GRAMD1A: variants seen among roughly 807,000 people sequenced by gnomAD.
The protein encoded by GRAMD1A is protein Aster-A.
GRAMD1A carries 50 observed loss-of-function variants against 92.0 expected under a neutral mutation model. That is an observed-to-expected ratio of 0.54 (90% confidence interval 0.43 to 0.69). The LOEUF is 0.69. GRAMD1A is among the 30% of genes least tolerant of loss of function. The probability of loss-of-function intolerance (pLI) is 0.00; values close to 1 mark genes in which losing one functional copy is unlikely to be tolerated. For missense variants in GRAMD1A, 819 were observed against 978.9 expected (o/e 0.84, Z 2.18); for synonymous variants, 405 against 403.6 (o/e 1.00, Z -0.04).
intron 1 of GRAMD1A, among the ~76,000 whole-genome samples, chr19:35,006,755 C>T (rs190712743): frequency 5.3e-5 from 8 of 152,170 alleles, no homozygotes; most frequent in Admixed American, 5.2e-4. Flanking sequence ...TCTAGGGACC[C>T]GGTGGTAACC....
At chr19:34,997,647 A>C (rs2014096283), upstream of GRAMD1A, among the ~76,000 whole-genome samples, 1 of 152,182 alleles carries the variant, frequency 6.6e-6, no homozygotes, top group African/African-American at 2.4e-5. Context: ...TCGCAGAAAC[A>C]ATGATAATGG....
Position 35,021,134 on chromosome 19 carries a change from C to T in GRAMD1A, c.1476-368C>T, listed in dbSNP as rs1247714188. Reference sequence around the variant, plus strand: ...AAGACCAGGAGGTCAGTTTGGGACTCAGCTGTCTATGTTGAGCTGAGCCCA... The same window carrying T: ...AAGACCAGGAGGTCAGTTTGGGACTTAGCTGTCTATGTTGAGCTGAGCCCA... On this transcript the variant is annotated intron_variant, in intron 13 of 19. Coordinates refer to ENST00000317991, the MANE Select transcript of GRAMD1A (RefSeq NM_020895.5). The surrounding 1 kb of genome is among the most constrained non-coding windows in gnomAD (Gnocchi z 5.3). Among the ~76,000 whole-genome samples, 1 of 152,186 alleles carries T rather than the reference C, an allele frequency of 6.6e-6. No homozygotes were observed. Among genetic ancestry groups the T allele is most frequent in the African/African-American group, 2.4e-5 (1 of 41,430 alleles).
chr19:35,021,544 G>A lies in GRAMD1A; in HGVS notation c.1518G>A (p.Leu506=). The A allele has an allele frequency of 1.9e-6, 3 of 1,614,142 alleles. No homozygotes were observed. The highest frequency in any genetic ancestry group is 2.5e-6 in the Non-Finnish European group (3 of 1,179,936). Residue 506 remains leucine, a synonymous_variant, in exon 14 of 20, where the codon CTG becomes CTA. Coordinates refer to ENST00000317991, the MANE Select transcript of GRAMD1A (RefSeq NM_020895.5). This position sits in a 1 kb window ranked among gnomAD's most constrained non-coding sequence, Gnocchi z 5.3. ...EIRYRKQPWS[L]VKSLIEKNSW... The stretch of plus-strand genomic sequence containing the variant: ...GCTACCGAAAGCAGCCGTGGAGCCT[G>A]GTGAAGTCGCTCATTGAGAAGAACT...
At position 35,000,387 on chromosome 19, in the gene GRAMD1A, G is replaced by T; in HGVS notation, c.-92G>T. 3.5e-6 allele frequency: 4 copies of T among 1,149,940 alleles called. No individual in the cohort carries two copies. Among genetic ancestry groups the T allele is most frequent in the Non-Finnish European group, 4.3e-6 (4 of 937,144 alleles). The allele number at this position is 1,149,940 out of a possible 1,614,324, so 71.2% of individuals were successfully genotyped here. A position where few individuals can be genotyped will look rare whatever the true frequency, so the allele number is the denominator to read the frequency against. On this transcript the variant is annotated 5_prime_UTR_variant, in exon 1 of 20. Coordinates refer to ENST00000317991, the MANE Select transcript of GRAMD1A (RefSeq NM_020895.5). The surrounding 1 kb of genome is among the most constrained non-coding windows in gnomAD (Gnocchi z 4.9). ...GCGGAAGGCCAGGCCGGTGCCCTGC[G>T]GGGACGCCCAGCGCAGCCCAGCCCC...
chr19:35,011,059 G>A (rs1475904170), intron 6 of GRAMD1A, among the ~76,000 whole-genome samples: 1 of 140,326 alleles, frequency 7.1e-6, no homozygotes, highest in African/African-American at 2.7e-5. Context: ...CCGTGATCAT[G>A]CCACTGCACT....
At chr19:35,023,368 G>C in intron 18 of GRAMD1A, 25 bp downstream of exon 18, 1 of 1,613,898 alleles carries the variant, frequency 6.2e-7, no homozygotes. Context: ...TGGGGAAATG[G>C]GGGGGCTTGG....
upstream of GRAMD1A, chr19:35,000,169 G>A: frequency 9.9e-7 from 1 of 1,008,780 alleles, no homozygotes. This position sits in a 1 kb window ranked among gnomAD's most constrained non-coding sequence, Gnocchi z 4.9. Context: ...TCCCTTCTCT[G>A]TCCAGTCCCT....
chr19:35,012,684 A>G (rs2015324110), intron 7 of GRAMD1A, among the ~76,000 whole-genome samples: 1 of 152,196 alleles, frequency 6.6e-6, no homozygotes, highest in Non-Finnish European at 1.5e-5. Flanking sequence ...GGGAACATTC[A>G]TGGCTGGGCA....
rs760796078 is a variant in GRAMD1A, at chr19:35,023,457, C to T, written c.1992C>T (p.Ala664=). 6 of 1,588,980 alleles carry T rather than the reference C, an allele frequency of 3.8e-6. No individual in the cohort carries two copies. The highest frequency in any genetic ancestry group is 1.7e-4 in the Middle Eastern group (1 of 5,944). Residue 664 remains alanine, a synonymous_variant, in exon 19 of 20, where the codon GCC becomes GCT. Coordinates refer to ENST00000317991, the MANE Select transcript of GRAMD1A (RefSeq NM_020895.5). ...TCCCCCAGACGGCCACAGAGTGGGCCGAGATCCTGGCGCTGCAGAAGCAAT... is the reference window on the plus strand; with the variant it reads ...TCCCCCAGACGGCCACAGAGTGGGCTGAGATCCTGGCGCTGCAGAAGCAAT... ...GKFPQTATEW[A]EILALQKQFH...
intron 1 of GRAMD1A, chr19:35,006,001 G>C (rs1349920957): frequency 3.3e-5 from 15 of 456,026 alleles, no homozygotes; most frequent in Admixed American, 2.4e-4. Flanking sequence ...AATACATCAA[G>C]GCCCCTAAAT....
intron 1 of GRAMD1A, among the ~76,000 whole-genome samples, chr19:35,006,410 AG>A (rs1180844663): frequency 2.6e-5 from 4 of 152,242 alleles, no homozygotes; most frequent in African/African-American, 9.6e-5. Flanking sequence ...TCTGTAAAGC[AG>A]GGATGGTGAA....
At chr19:35,010,567 T>G in intron 6 of GRAMD1A, 188 bp downstream of exon 6, 2 of 604,960 alleles carry the variant, frequency 3.3e-6, no homozygotes, top group African/African-American at 3.7e-5. Flanking sequence ...TCTCTTTCCC[T>G]GCAACCTGTT....
Position 35,013,444 on chromosome 19 carries a change from TG to T in GRAMD1A, c.719+82del. 2.0e-6 allele frequency: 3 copies of T among 1,524,136 alleles called. No homozygotes were observed. Among genetic ancestry groups the T allele is most frequent in the Admixed American group, 1.7e-5 (1 of 58,672 alleles). 94.4% of individuals were successfully genotyped at this position (1,524,136 alleles called of 1,614,324 possible). A position where few individuals can be genotyped will look rare whatever the true frequency, so the allele number is the denominator to read the frequency against. On this transcript the variant is annotated intron_variant, in intron 8 of 19. Transcript: ENST00000317991. The surrounding 1 kb of genome is among the most constrained non-coding windows in gnomAD (Gnocchi z 4.9). ...TCGGCGTGCAGAGTTCCTGGAGTGC[TG>T]GGGGGCCTGAGATGGTTGTATGACG...
chr19:35,008,326 G>A (rs1046333100), intron 1 of GRAMD1A, among the ~76,000 whole-genome samples: 10 of 151,772 alleles, frequency 6.6e-5, no homozygotes, highest in African/African-American at 2.4e-4. Flanking sequence ...GAGAGATTCC[G>A]TCTTAAAATA....
intron 1 of GRAMD1A, among the ~76,000 whole-genome samples, chr19:34,995,099 C>T: frequency 6.6e-6 from 1 of 152,320 alleles, no homozygotes; most frequent in South Asian, 2.1e-4. Context: ...GGCCACCTCC[C>T]TTTGTTTGTC....
At position 35,010,437 on chromosome 19, in the gene GRAMD1A, C is replaced by A. The variant is rs1283200022; in HGVS notation, c.525+58C>A. Reference sequence around the variant, plus strand: ...TCCCCCGCTCAGCAGGCCGCCTCCCCCAAACATGCAAAGCCCCATTTGTTC... The same window carrying A: ...TCCCCCGCTCAGCAGGCCGCCTCCCACAAACATGCAAAGCCCCATTTGTTC... On this transcript the variant is annotated intron_variant, in intron 6 of 19. Transcript: ENST00000317991. 5.4e-6 allele frequency: 6 copies of A among 1,115,708 alleles called. No individual in the cohort carries two copies. In the South Asian group the frequency reaches 6.2e-5, roughly 11 times the overall value. 69.1% of individuals were successfully genotyped at this position (1,115,708 alleles called of 1,614,324 possible).
chr19:35,023,210 T>C (rs2016197965), intron 17 of GRAMD1A, 26 bp from the exon 18 acceptor site: 5 of 1,553,052 alleles, frequency 3.2e-6, no homozygotes, highest in Middle Eastern at 3.3e-4. Flanking sequence ...ACCCCAGGAA[T>C]CCTGACCTCT....
intron 7 of GRAMD1A, 47 bp downstream of exon 7, chr19:35,011,601 AC>A: frequency 7.3e-7 from 1 of 1,364,730 alleles, no homozygotes. Context: ...TTCCAGGGGG[AC>A]CATGGAGCCA....
At chr19:35,022,082 C>T (rs988443506) in intron 16 of GRAMD1A, 44 bp downstream of exon 16, 1 of 1,429,016 alleles carries the variant, frequency 7.0e-7, no homozygotes, top group Admixed American at 1.8e-5. Context: ...CCTGAACCTG[C>T]CTCCTGGCTG....
Sources: gnomAD v4.1 joint callset for allele counts (sites outside exome capture counted in the v4.1 genomes callset) on GRCh38, gnomAD v4.1.1 for gene constraint, Gnocchi (gnomAD v3.1) non-coding constraint, MANE v1.5 for transcripts, NCBI Gene and HGNC (gene_info 2026-07-23, HGNC 2026-07-21) for gene names.